PRR5L: variants seen among roughly 807,000 people sequenced by gnomAD.
PRR5L encodes the protein proline rich 5 like.
PRR5L carries 21 observed loss-of-function variants against 36.4 expected under a neutral mutation model. That is an observed-to-expected ratio of 0.58 (90% CI 0.41 to 0.83). The LOEUF is 0.83. PRR5L is among the 40% of genes least tolerant of loss of function. The pLI is 0.00. For synonymous variants in PRR5L, 188 were observed against 197.0 expected (o/e 0.95, Z 0.38); for missense variants, 381 against 473.3 (o/e 0.80, Z 1.81).
chr11:36,333,059 C>T (rs924072676), intron 1 of PRR5L, among the ~76,000 whole-genome samples: 1 of 152,202 alleles, frequency 6.6e-6, no homozygotes, highest in Non-Finnish European at 1.5e-5. Flanking sequence ...AACTGGTCTT[C>T]CTCTTTCTTC....
chr11:36,462,665 CCTGA>C lies in PRR5L; in HGVS notation c.1038_1041del (p.Gly348TrpfsTer14). 1.2e-6 allele frequency: 2 copies of C among 1,609,690 alleles called. No individual in the cohort carries two copies. Among genetic ancestry groups the C allele is most frequent in the Non-Finnish European group, 8.5e-7 (1 of 1,178,704 alleles). ...CAGTGAGCCCAACATCACTGACAACCCTGACGGACTGGAGGAGGGGGCCAGGGGC... is the reference window on the plus strand; with the variant it reads ...CAGTGAGCCCAACATCACTGACAACCCGGACTGGAGGAGGGGGCCAGGGGC... On this transcript the variant is annotated frameshift_variant, in exon 9 of 9. Transcript: ENST00000530639. LOFTEE classifies it high-confidence loss of function.
chr11:36,439,855 A>G (rs1277380454), intron 6 of PRR5L, among the ~76,000 whole-genome samples: 1 of 152,166 alleles, frequency 6.6e-6, no homozygotes, highest in Non-Finnish European at 1.5e-5. Flanking sequence ...CATTTGGGTA[A>G]CAGGGATATG....
intron 1 of PRR5L, among the ~76,000 whole-genome samples, chr11:36,317,893 T>C (rs1856574075): frequency 1.3e-5 from 2 of 152,236 alleles, no homozygotes; most frequent in African/African-American, 2.4e-5. Context: ...GTTATTTACA[T>C]AGTCTAGATA....
chr11:36,447,929 GA>G (rs1332586855), intron 7 of PRR5L, among the ~76,000 whole-genome samples: 2 of 152,310 alleles, frequency 1.3e-5, no homozygotes, highest in South Asian at 2.1e-4. Flanking sequence ...AAGGAGTCTT[GA>G]AAATGAGCCC....
Position 36,462,440 on chromosome 11 carries a change from C to T in PRR5L, c.811C>T (p.Pro271Ser), listed in dbSNP as rs1590618716. 6.2e-7 allele frequency: 1 copy of T among 1,604,210 alleles called. No individual in the cohort carries two copies. Among genetic ancestry groups the T allele is most frequent in the Admixed American group, 1.7e-5 (1 of 59,476 alleles). The part of the protein sequence containing the change: ...SRPLNEMVLT[P>S]LTEQEGEAYL... ...GCCACTGAATGAGATGGTCTTGACC[C>T]CACTGACAGAGCAGGAGGGGGAAGC... The change falls in exon 9 of 9, where the codon CCA becomes TCA. Residue 271 changes from proline (P) to serine (S), a missense_variant. Coordinates refer to ENST00000530639, the MANE Select transcript of PRR5L (RefSeq NM_001160167.2).
intron 3 of PRR5L, among the ~76,000 whole-genome samples, chr11:36,418,268 T>G (rs2133580920): frequency 6.6e-6 from 1 of 152,252 alleles, no homozygotes; most frequent in Middle Eastern, 3.4e-3. Flanking sequence ...TGTGGTCCCC[T>G]TGGAAGACTG....
chr11:36,370,059 C>T (rs1006977010), intron 1 of PRR5L, among the ~76,000 whole-genome samples: 9 of 152,116 alleles, frequency 5.9e-5, no homozygotes, highest in African/African-American at 2.2e-4. Flanking sequence ...GTGGTGACTT[C>T]CCACTGTGAC....
intron 1 of PRR5L, among the ~76,000 whole-genome samples, chr11:36,333,554 A>C (rs76760727): frequency 0.094 from 14,311 of 152,332 alleles, 781 homozygotes; most frequent in Non-Finnish European, 0.12. Flanking sequence ...CATAAAAAAG[A>C]ATGAACTATT....
intron 1 of PRR5L, among the ~76,000 whole-genome samples, chr11:36,320,864 T>C (rs1351403112): frequency 1.3e-5 from 2 of 152,236 alleles, no homozygotes; most frequent in Admixed American, 1.3e-4. Context: ...TTAAATGAGA[T>C]ACTGCATATA....
At chr11:36,370,828 G>T (rs1245071951) in intron 1 of PRR5L, among the ~76,000 whole-genome samples, 1 of 137,384 alleles carries the variant, frequency 7.3e-6, no homozygotes, top group East Asian at 2.2e-4. Context: ...TTGCAGTGAG[G>T]CAAGATCACG....
At chr11:36,345,767 G>A (rs997179455) in intron 1 of PRR5L, among the ~76,000 whole-genome samples, 2 of 152,238 alleles carry the variant, frequency 1.3e-5, no homozygotes, top group African/African-American at 4.8e-5. Flanking sequence ...AGTGGGAGGT[G>A]TGGGTAGGTC....
At chr11:36,322,423 AT>A (rs1276826064) in intron 1 of PRR5L, among the ~76,000 whole-genome samples, 1 of 152,164 alleles carries the variant, frequency 6.6e-6, no homozygotes. Flanking sequence ...AGAAAACAGA[AT>A]GATTTATGGT....
intron 1 of PRR5L, among the ~76,000 whole-genome samples, chr11:36,302,808 A>T (rs1185362965): frequency 6.6e-6 from 1 of 151,846 alleles, no homozygotes; most frequent in East Asian, 1.9e-4. Context: ...AATAAAAATA[A>T]AAAAGAAAGA....
At chr11:36,406,343 A>G (rs10836550) in intron 3 of PRR5L, among the ~76,000 whole-genome samples, 34,614 of 152,046 alleles carry the variant, frequency 0.23, 5,561 homozygotes, top group African/African-American at 0.46. Context: ...AGAATAAGCC[A>G]AAGCTTAAAA....
At position 36,446,366 on chromosome 11, in the gene PRR5L, A is replaced by G. The variant is rs1458319237; in HGVS notation, c.511A>G (p.Lys171Glu). 1 of 1,614,110 alleles carries G rather than the reference A, an allele frequency of 6.2e-7. No homozygotes were observed. Among genetic ancestry groups the G allele is most frequent in the African/African-American group, 1.3e-5 (1 of 75,030 alleles). The change falls in exon 7 of 9, where the codon AAG becomes GAG. Residue 171 changes from lysine (K) to glutamate (E), a missense_variant. Physicochemically the swap from Lys to Glu is moderately conservative, Grantham distance 56 (BLOSUM62 1). Coordinates refer to ENST00000530639, the MANE Select transcript of PRR5L (RefSeq NM_001160167.2). ...CCGAGACCTAGTCTTGCTGAAGGTG[A>G]AGCTGGGTGACCTGCTGCTGCTGGC... is the stretch of plus-strand genomic sequence containing the variant. ...GFRDLVLLKV[K>E]LGDLLLLAQS...
At chr11:36,332,551 C>G (rs1467775878) in intron 1 of PRR5L, among the ~76,000 whole-genome samples, 1 of 152,216 alleles carries the variant, frequency 6.6e-6, no homozygotes, top group Non-Finnish European at 1.5e-5. Flanking sequence ...ACCAATCCAT[C>G]TGCTATGGTT....
intron 1 of PRR5L, among the ~76,000 whole-genome samples, chr11:36,400,462 G>A (rs552065929): frequency 5.0e-4 from 76 of 152,282 alleles, no homozygotes; most frequent in African/African-American, 1.8e-3. Context: ...CTCAGTGAGT[G>A]TGTCCTGATG....
chr11:36,304,297 A>G (rs996845285), intron 1 of PRR5L, among the ~76,000 whole-genome samples: 3 of 152,232 alleles, frequency 2.0e-5, no homozygotes, highest in African/African-American at 7.2e-5. Context: ...GGAATTGTTC[A>G]TTTAACAACA....
intron 1 of PRR5L, among the ~76,000 whole-genome samples, chr11:36,369,125 C>T (rs895615054): frequency 6.6e-6 from 1 of 152,116 alleles, no homozygotes; most frequent in Admixed American, 6.5e-5. Context: ...GATAAAAGCA[C>T]GTGGTGATGA....
Sources: gnomAD v4.1 joint callset for allele counts (sites outside exome capture counted in the v4.1 genomes callset) on GRCh38, gnomAD v4.1.1 for gene constraint, MANE v1.5 for transcripts, NCBI Gene and HGNC (gene_info 2026-07-23, HGNC 2026-07-21) for gene names.